Variants in BTG4 observed in about 807,000 individuals in gnomAD.
The protein encoded by BTG4 is protein BTG4.
A neutral mutation model predicts 19.3 loss-of-function variants in BTG4; 10 were observed. The observed-to-expected ratio is 0.52, with a 90% CI of 0.32 to 0.88. The LOEUF is 0.88. Among genes scored for constraint, BTG4 ranks in the 40% least tolerant of loss-of-function variants. BTG4 has a pLI of 0.04. For synonymous variants in BTG4, 91 were observed against 95.7 expected (o/e 0.95, Z 0.29); for missense variants, 238 against 281.9 (o/e 0.84, Z 1.11).
chr11:111,390,240 G>GCACT, the BTG4 span, among the ~76,000 whole-genome samples: 5 of 152,242 alleles, frequency 3.3e-5, no homozygotes, highest in African/African-American at 1.2e-4. Context: ...ATTCATTCAT[G>GCACT]CACTCATTCA....
At chr11:111,432,774 GC>G in the BTG4 span, among the ~76,000 whole-genome samples, 1 of 152,210 alleles carries the variant, frequency 6.6e-6, no homozygotes, top group Non-Finnish European at 1.5e-5. Flanking sequence ...ATTTTGAATT[GC>G]TTTACACTGT....
At chr11:111,491,660 AG>A (rs1865422011), downstream of BTG4, among the ~76,000 whole-genome samples, 1 of 149,580 alleles carries the variant, frequency 6.7e-6, no homozygotes, top group African/African-American at 2.4e-5. Context: ...GACTCAAGCC[AG>A]GGAGTCAAGG....
downstream of BTG4, among the ~76,000 whole-genome samples, chr11:111,494,602 C>T (rs1419533979): frequency 6.6e-6 from 1 of 152,098 alleles, no homozygotes; most frequent in Non-Finnish European, 1.5e-5. Context: ...TCAACTTTCC[C>T]TCTAGCAAGT....
At chr11:111,390,350 T>C in the BTG4 span, among the ~76,000 whole-genome samples, 4 of 152,170 alleles carry the variant, frequency 2.6e-5, no homozygotes, top group African/African-American at 9.7e-5. Flanking sequence ...CCTGACTTCT[T>C]AGAGCTTACA....
chr11:111,416,903 G>A, the BTG4 span: 7 of 152,188 alleles, frequency 4.6e-5, no homozygotes, highest in African/African-American at 1.7e-4. Context: ...TATCCTCCAG[G>A]TCAGGAGCCA....
intron 4 of BTG4, among the ~76,000 whole-genome samples, 196 bp from the exon 5 acceptor site, chr11:111,495,510 GTTAA>G (rs1252734672): frequency 2.0e-5 from 3 of 152,146 alleles, no homozygotes; most frequent in African/African-American, 4.8e-5. Flanking sequence ...TTTTTAAAAA[GTTAA>G]TTAATTCAAC....
chr11:111,425,948 G>A, the BTG4 span, among the ~76,000 whole-genome samples: 2 of 152,080 alleles, frequency 1.3e-5, no homozygotes, highest in Admixed American at 6.5e-5. Flanking sequence ...GGAGGATCAC[G>A]TGAGCCCTGG....
At chr11:111,444,694 G>A in the BTG4 span, among the ~76,000 whole-genome samples, 4 of 152,060 alleles carry the variant, frequency 2.6e-5, no homozygotes, top group Non-Finnish European at 4.4e-5. Context: ...CACCTACTAT[G>A]TACCTACAAA....
the BTG4 span, among the ~76,000 whole-genome samples, chr11:111,389,725 G>T: frequency 6.6e-6 from 1 of 152,194 alleles, no homozygotes; most frequent in African/African-American, 2.4e-5. Context: ...TTAGAAAAAG[G>T]TATAATAAAT....
intron 5 of BTG4, among the ~76,000 whole-genome samples, chr11:111,479,378 G>A (rs1864596264): frequency 6.6e-6 from 1 of 152,142 alleles, no homozygotes; most frequent in South Asian, 2.1e-4. Flanking sequence ...TGGAGGCCAA[G>A]GTGGGAGGAT....
At chr11:111,472,536 C>T (rs577967907) in intron 5 of BTG4, among the ~76,000 whole-genome samples, 1 of 152,280 alleles carries the variant, frequency 6.6e-6, no homozygotes, top group East Asian at 1.9e-4. Flanking sequence ...AGTTACTCAT[C>T]CCAAAATAGT....
the BTG4 span, chr11:111,384,916 A>C: frequency 6.6e-6 from 1 of 152,170 alleles, no homozygotes; most frequent in East Asian, 1.9e-4. Flanking sequence ...TCAAAGAGAA[A>C]TCAAAATGCA....
chr11:111,441,624 G>A, the BTG4 span, among the ~76,000 whole-genome samples: 3 of 152,322 alleles, frequency 2.0e-5, no homozygotes, highest in East Asian at 1.9e-4. Context: ...TATAAACTCC[G>A]TGACTGTGCC....
the BTG4 span, among the ~76,000 whole-genome samples, chr11:111,440,500 C>T: frequency 1.3e-5 from 2 of 152,186 alleles, no homozygotes; most frequent in African/African-American, 4.8e-5. Flanking sequence ...GTACTAGGAG[C>T]TGACATCCTT....
At chr11:111,456,015 C>T in the BTG4 span, 117 of 295,892 alleles carry the variant, frequency 4.0e-4, no homozygotes, top group African/African-American at 2.3e-3. The surrounding 1 kb of genome is among the most constrained non-coding windows in gnomAD (Gnocchi z 4.2). Context: ...CAAAACAGAG[C>T]GGACACCCCA....
chr11:111,413,321 T>G, the BTG4 span, among the ~76,000 whole-genome samples: 1 of 152,246 alleles, frequency 6.6e-6, no homozygotes, highest in African/African-American at 2.4e-5. Context: ...TCAGGCCCCA[T>G]CCAGTTCCAC....
the BTG4 span, among the ~76,000 whole-genome samples, chr11:111,406,733 G>A: frequency 2.6e-5 from 4 of 152,196 alleles, no homozygotes. Context: ...TGAAGAGCTA[G>A]TACATTCTGC....
the BTG4 span, among the ~76,000 whole-genome samples, chr11:111,423,404 C>T: frequency 6.6e-6 from 1 of 152,178 alleles, no homozygotes; most frequent in Admixed American, 6.5e-5. Flanking sequence ...GAAATAACTC[C>T]CAGGACAGGC....
At chr11:111,461,010 G>T in the BTG4 span, among the ~76,000 whole-genome samples, 3 of 152,108 alleles carry the variant, frequency 2.0e-5, no homozygotes, top group African/African-American at 7.2e-5. Context: ...TGTATGTGTA[G>T]GTACAGTCAG....
Sources: gnomAD v4.1 joint callset for allele counts (sites outside exome capture counted in the v4.1 genomes callset) on GRCh38, gnomAD v4.1.1 for gene constraint, Gnocchi (gnomAD v3.1) non-coding constraint, MANE v1.5 for transcripts, NCBI Gene and HGNC (gene_info 2026-07-23, HGNC 2026-07-21) for gene names.